The following TAFAZZIN variants were observed in gnomAD, a reference collection of about 807,000 sequenced individuals.
The protein encoded by TAFAZZIN is protein G4.5.
A neutral mutation model predicts 27.3 loss-of-function variants in TAFAZZIN; 6 were observed. The ratio of observed to expected loss-of-function variants is 0.22; its 90% CI spans 0.12 to 0.43. The LOEUF is 0.43. Ranked by LOEUF, TAFAZZIN falls within the 20% of genes least tolerant of loss-of-function variation. The probability of loss-of-function intolerance (pLI) is 1.00; values close to 1 mark genes in which losing one functional copy is unlikely to be tolerated. For missense variants in TAFAZZIN, 127 were observed against 244.5 expected (o/e 0.52, Z 3.21); for synonymous variants, 79 against 96.2 (o/e 0.82, Z 1.04).
chrX:154,415,772 T>G (rs782358378), intron 5 of TAFAZZIN, among the ~76,000 whole-genome samples: 2 of 102,562 alleles, frequency 2.0e-5, no homozygotes, highest in South Asian at 4.5e-4. Context: ...TCTCAGCTAC[T>G]CGGGAGGCTG....
chrX:154,417,428 GGGGGGAATGGAGACCGCAGC>G (rs1342040252), intron 5 of TAFAZZIN, among the ~76,000 whole-genome samples: 14 of 112,609 alleles, frequency 1.2e-4, no homozygotes, highest in African/African-American at 2.9e-4. Context: ...GCTGCAGTTG[GGGGGGAATGGAGACCGCAGC>G]GGGGGAATGG....
intron 7 of TAFAZZIN, 86 bp downstream of exon 7, chrX:154,419,832 G>A: frequency 8.6e-7 from 1 of 1,158,594 alleles, no homozygotes; most frequent in Non-Finnish European, 1.2e-6. Context: ...CCTCGGGCTG[G>A]CTTGTATGGG....
chrX:154,413,645 G>T lies in TAFAZZIN; in HGVS notation c.370+78G>T, dbSNP rs1044880137. ...GGTGGCCAGTGTCTCTGTTTTGGAGGGACCTATGGGGGTAGGCATCCCGGG... is the reference window on the plus strand; with the variant it reads ...GGTGGCCAGTGTCTCTGTTTTGGAGTGACCTATGGGGGTAGGCATCCCGGG... On this transcript the variant is annotated intron_variant, in intron 4 of 10. Coordinates refer to ENST00000601016, the MANE Select transcript of TAFAZZIN (RefSeq NM_000116.5). 16 of 1,033,299 alleles carry T rather than the reference G, an allele frequency of 1.5e-5. No individual in the cohort carries two copies. In the Admixed American group the frequency reaches 3.7e-4, roughly 24 times the overall value. 85.2% of individuals were successfully genotyped at this position (1,033,299 alleles called of 1,213,427 possible).
chrX:154,417,320 G>A (rs1434409329), intron 5 of TAFAZZIN, among the ~76,000 whole-genome samples: 2 of 111,284 alleles, frequency 1.8e-5, no homozygotes, highest in African/African-American at 3.3e-5. Flanking sequence ...CAAACCAGGC[G>A]CCTGTGGCAC....
intron 5 of TAFAZZIN, among the ~76,000 whole-genome samples, chrX:154,415,836 A>T (rs1421398923): frequency 1.0e-5 from 1 of 97,082 alleles, no homozygotes; most frequent in Non-Finnish European, 2.0e-5. Flanking sequence ...AGCTGAGATC[A>T]TGCCACTGCA....
Position 154,413,125 on chromosome X carries a change from C to G in TAFAZZIN, c.239-82C>G, listed in dbSNP as rs781885875. On this transcript the variant is annotated intron_variant, in intron 2 of 10. Coordinates refer to ENST00000601016, the MANE Select transcript of TAFAZZIN (RefSeq NM_000116.5). Reference sequence around the variant, plus strand: ...TAGGGAAATGGTAGTGCTGCTGTCCCTCATTCCCTGAGATGGGGTGAAGGA... The same window carrying G: ...TAGGGAAATGGTAGTGCTGCTGTCCGTCATTCCCTGAGATGGGGTGAAGGA... The G allele has an allele frequency of 3.1e-5, 36 of 1,173,869 alleles. No homozygotes were observed. The Admixed American group carries it at 6.4e-4, about 21-fold the overall frequency.
chrX:154,418,236 C>A (rs1282784942), intron 5 of TAFAZZIN, among the ~76,000 whole-genome samples: 1 of 111,959 alleles, frequency 8.9e-6, no homozygotes, highest in Admixed American at 9.5e-5. Context: ...GGTCATCACC[C>A]CCTCCCTCTA....
In TAFAZZIN at chrX:154,421,127, C is replaced by T; in HGVS notation, c.*123C>T. The T allele has an allele frequency of 1.6e-6, 1 of 639,194 alleles. No homozygotes were observed. Among genetic ancestry groups the T allele is most frequent in the Non-Finnish European group, 2.5e-6 (1 of 399,984 alleles). 52.7% of individuals were successfully genotyped at this position (639,194 alleles called of 1,213,427 possible). A position where few individuals can be genotyped will look rare whatever the true frequency, so the allele number is the denominator to read the frequency against. ...GTTCATAGACCCTCTCAAGTGCCCT[C>T]TCCGAGCTGGTAGGCATTCCAGCTC... On this transcript the variant is annotated 3_prime_UTR_variant, in exon 11 of 11. Transcript: ENST00000601016.
chrX:154,414,990 GAAAAAAA>G (rs1160162016), intron 5 of TAFAZZIN, among the ~76,000 whole-genome samples: 6 of 72,748 alleles, frequency 8.2e-5, no homozygotes, highest in Middle Eastern at 6.7e-3. Context: ...ACTCCGTCTG[GAAAAAAA>G]AAAAAAAAAA....
rs1557194416 is a variant in TAFAZZIN at position 154,420,734 on chromosome X, C to T, written c.776C>T (p.Ala259Val). 4 of 1,209,131 alleles carry T rather than the reference C, an allele frequency of 3.3e-6. No homozygotes were observed. Among genetic ancestry groups the T allele is most frequent in the Non-Finnish European group, 4.5e-6 (4 of 894,802 alleles). ...CGGCTCCGGGCGGAGAACAAGTCGG[C>T]TGTGAGTTTCCTCCTGGGTCCCCCG... ...LERLRAENKS[A>V]VEMRKALTDF... Residue 259 changes from alanine to valine, a missense_variant and splice_region_variant, in exon 10 of 11, where the codon GCT (alanine) becomes GTT (valine). Coordinates refer to ENST00000601016, the MANE Select transcript of TAFAZZIN (RefSeq NM_000116.5).
rs782144342 is a variant in TAFAZZIN, at chrX:154,411,659, C to T, written c.-185C>T. ...GCTCCCCAGTGACGAGAGAGCGGGGCCGGGCGCTGCTCCGGCCTGACCTGC... is the reference window on the plus strand; with the variant it reads ...GCTCCCCAGTGACGAGAGAGCGGGGTCGGGCGCTGCTCCGGCCTGACCTGC... On this transcript the variant is annotated 5_prime_UTR_variant, in exon 1 of 11. Transcript: ENST00000601016. The T allele has an allele frequency of 3.9e-5, 19 of 490,785 alleles. No homozygotes were observed. Among genetic ancestry groups the T allele is most frequent in the Non-Finnish European group, 5.8e-5 (16 of 277,571 alleles). The allele number at this position is 490,785 out of a possible 1,213,427, so 40.4% of individuals were successfully genotyped here.
In TAFAZZIN at chrX:154,420,712, C is replaced by T; in HGVS notation, c.754C>T (p.Leu252Phe). 1 of 1,211,400 alleles carries T rather than the reference C, an allele frequency of 8.3e-7. No individual in the cohort carries two copies. Among genetic ancestry groups the T allele is most frequent in the Non-Finnish European group, 1.1e-6 (1 of 895,386 alleles). The change falls in exon 10 of 11, where the codon CTC (leucine) becomes TTC (phenylalanine). Residue 252 changes from leucine to phenylalanine, a missense_variant. Physicochemically the swap from Leu to Phe is conservative, Grantham distance 22. This residue lies in a region of TAFAZZIN where 31 missense variants were observed against 39.6 expected (regional missense o/e 0.78). Coordinates refer to ENST00000601016, the MANE Select transcript of TAFAZZIN (RefSeq NM_000116.5). Reference sequence around the variant, plus strand: ...CAGTGCCCTGCCTGTACTCGAGCGGCTCCGGGCGGAGAACAAGTCGGCTGT... The same window carrying T: ...CAGTGCCCTGCCTGTACTCGAGCGGTTCCGGGCGGAGAACAAGTCGGCTGT... ...PFSALPVLER[L>F]RAENKSAVEM...
At chrX:154,413,646 G>A in intron 4 of TAFAZZIN, 79 bp downstream of exon 4, 2 of 1,037,808 alleles carry the variant, frequency 1.9e-6, no homozygotes, top group Non-Finnish European at 2.7e-6. Context: ...GTTTTGGAGG[G>A]ACCTATGGGG....
chrX:154,420,586 C>A, intron 9 of TAFAZZIN, 72 bp from the exon 10 acceptor site: 1 of 1,130,557 alleles, frequency 8.8e-7, no homozygotes, highest in Non-Finnish European at 1.2e-6. Flanking sequence ...TAGCTTCTGG[C>A]TCCCGGGTTG....
At chrX:154,417,045 G>T (rs2068509461) in intron 5 of TAFAZZIN, among the ~76,000 whole-genome samples, 1 of 110,913 alleles carries the variant, frequency 9.0e-6, no homozygotes, top group South Asian at 3.8e-4. Flanking sequence ...TGAGGCAGGA[G>T]AGTGGCGTGA....
chrX:154,416,938 A>G (rs1557193132), intron 5 of TAFAZZIN, among the ~76,000 whole-genome samples: 1 of 111,083 alleles, frequency 9.0e-6, no homozygotes, highest in African/African-American at 3.3e-5. Flanking sequence ...GATTGAGACC[A>G]TCCTGGCTAA....
At chrX:154,419,354 G>A in intron 5 of TAFAZZIN, 189 bp from the exon 6 acceptor site, 1 of 477,129 alleles carries the variant, frequency 2.1e-6, no homozygotes, top group Non-Finnish European at 3.6e-6. Flanking sequence ...GGCGCAGTGG[G>A]GGATGGGAAG....
At chrX:154,414,984 C>T (rs1240565511) in intron 5 of TAFAZZIN, among the ~76,000 whole-genome samples, 6 of 99,252 alleles carry the variant, frequency 6.0e-5, no homozygotes, top group Non-Finnish European at 1.2e-4. Flanking sequence ...AGCGAAACTC[C>T]GTCTGGAAAA....
In TAFAZZIN at chrX:154,411,828, C is replaced by T; in HGVS notation, c.-16C>T. 3 of 1,170,918 alleles carry T rather than the reference C, an allele frequency of 2.6e-6. No individual in the cohort carries two copies. The highest frequency in any genetic ancestry group is 3.4e-6 in the Non-Finnish European group (3 of 878,739). On this transcript the variant is annotated 5_prime_UTR_variant, in exon 1 of 11. Coordinates refer to ENST00000601016, the MANE Select transcript of TAFAZZIN (RefSeq NM_000116.5). ...GGCCCGGGGCGCTGGGAGCGCCGGC[C>T]GCGGGCCGGGTGGGGATGCCTCTGC...
Sources: allele counts gnomAD v4.1 joint callset (sites outside exome capture counted in the v4.1 genomes callset), GRCh38; gene constraint gnomAD v4.1.1; regional missense constraint gnomAD v4.1.1; transcripts MANE v1.5; gene names NCBI Gene and HGNC (gene_info 2026-07-23, HGNC 2026-07-21).